The following RBFOX1 variants were observed in gnomAD, a reference collection of about 807,000 sequenced individuals.
The protein encoded by RBFOX1 is RNA binding protein fox-1 homolog 1.
A neutral mutation model predicts 57.7 loss-of-function variants in RBFOX1; 8 were observed. That is an observed-to-expected ratio of 0.14 (90% CI 0.08 to 0.25). The LOEUF (loss-of-function observed/expected upper bound fraction) is 0.25, where lower values mean the gene tolerates loss of function less well. Among genes scored for constraint, RBFOX1 ranks in the 10% least tolerant of loss-of-function variants. The pLI is 1.00. For missense variants in RBFOX1, 611 were observed against 548.5 expected (o/e 1.11, Z -1.14); for synonymous variants, 326 against 222.4 (o/e 1.47, Z -4.15).
intron 4 of RBFOX1, among the ~76,000 whole-genome samples, chr16:7,459,047 G>A (rs2059066801): frequency 3.3e-5 from 5 of 152,214 alleles, no homozygotes; most frequent in Middle Eastern, 6.8e-3. Flanking sequence ...AATGATGGAT[G>A]GATGGATGAA....
intron 2 of RBFOX1, among the ~76,000 whole-genome samples, chr16:6,621,689 A>G (rs999112944): frequency 6.6e-6 from 1 of 152,146 alleles, no homozygotes; most frequent in Non-Finnish European, 1.5e-5. Flanking sequence ...AACAGAGCAA[A>G]CCCCAGAAAT....
At chr16:5,250,991 C>G (rs13338167) in intron 1 of RBFOX1, among the ~76,000 whole-genome samples, 50,448 of 152,056 alleles carry the variant, frequency 0.33, 8,606 homozygotes, top group South Asian at 0.42. Context: ...TGGTACTGTC[C>G]TCTGTAGACA....
At chr16:6,241,813 A>G (rs1287366295) in intron 1 of RBFOX1, among the ~76,000 whole-genome samples, 1 of 152,246 alleles carries the variant, frequency 6.6e-6, no homozygotes, top group Non-Finnish European at 1.5e-5. Context: ...TTAATCAGCT[A>G]GCATCATTCT....
intron 4 of RBFOX1, among the ~76,000 whole-genome samples, chr16:7,301,080 GA>G (rs1213912117): frequency 7.2e-5 from 11 of 152,038 alleles, no homozygotes; most frequent in Admixed American, 3.9e-4. Flanking sequence ...AGTCTCTTTT[GA>G]GATGGAATTC....
chr16:7,204,169 G>T (rs554635607), intron 4 of RBFOX1, among the ~76,000 whole-genome samples: 2 of 152,208 alleles, frequency 1.3e-5, no homozygotes, highest in Non-Finnish European at 2.9e-5. Flanking sequence ...TACTTTCTCA[G>T]AGTAACCATT....
rs78336271 is a variant in RBFOX1, at chr16:6,315,961, C to T, written c.-126-1034C>T. Among the ~76,000 whole-genome samples, 3 of 152,258 alleles carry T rather than the reference C, an allele frequency of 2.0e-5. No individual in the cohort carries two copies. In the East Asian group the frequency reaches 5.8e-4, roughly 29 times the overall value. On this transcript the variant is annotated intron_variant, in intron 1 of 15. Coordinates refer to ENST00000550418, the MANE Select transcript of RBFOX1 (RefSeq NM_018723.4). ...TCTATATATCTAGATATACCTATCACATTAGGAAAGGGGGTATATTGTCTA... is the reference window on the plus strand; with the variant it reads ...TCTATATATCTAGATATACCTATCATATTAGGAAAGGGGGTATATTGTCTA...
intron 2 of RBFOX1, among the ~76,000 whole-genome samples, chr16:6,487,146 G>T (rs1176969431): frequency 1.4e-5 from 1 of 70,644 alleles, no homozygotes; most frequent in Non-Finnish European, 3.5e-5. Context: ...TGGGGTTTCT[G>T]TGTGTGTGTG....
At chr16:7,111,070 A>G (rs982013747) in intron 4 of RBFOX1, among the ~76,000 whole-genome samples, 23 of 152,198 alleles carry the variant, frequency 1.5e-4, no homozygotes, top group African/African-American at 5.5e-4. Context: ...CTGTTTTTGA[A>G]AAGCCAAATA....
At chr16:6,120,731 G>C (rs754905332) in intron 1 of RBFOX1, among the ~76,000 whole-genome samples, 3 of 152,036 alleles carry the variant, frequency 2.0e-5, no homozygotes, top group Non-Finnish European at 4.4e-5. Flanking sequence ...TCTGAATTCA[G>C]ATGTCTGAGT....
chr16:6,866,497 C>CTT (rs199784403), intron 3 of RBFOX1, among the ~76,000 whole-genome samples: 48 of 129,130 alleles, frequency 3.7e-4, no homozygotes, highest in African/African-American at 1.4e-3. Context: ...TCACAAAGGA[C>CTT]TTTTTTTAAA....
At chr16:5,458,630 C>G (rs1251277306) in intron 1 of RBFOX1, among the ~76,000 whole-genome samples, 1 of 152,260 alleles carries the variant, frequency 6.6e-6, no homozygotes, top group African/African-American at 2.4e-5. Flanking sequence ...CTATGACCCT[C>G]TACTGCTCTT....
chr16:7,474,262 G>C (rs893510620), intron 4 of RBFOX1, among the ~76,000 whole-genome samples: 2 of 152,146 alleles, frequency 1.3e-5, no homozygotes, highest in Non-Finnish European at 2.9e-5. Flanking sequence ...ACTCCAGCCT[G>C]GGTGACAGGG....
At chr16:5,465,023 C>T (rs1033728785) in intron 1 of RBFOX1, among the ~76,000 whole-genome samples, 2 of 152,172 alleles carry the variant, frequency 1.3e-5, no homozygotes, top group African/African-American at 4.8e-5. Context: ...CACAGACCAT[C>T]TCCTTTGCAC....
intron 3 of RBFOX1, among the ~76,000 whole-genome samples, chr16:5,783,280 A>T (rs1315663112): frequency 6.6e-6 from 1 of 152,216 alleles, no homozygotes; most frequent in Non-Finnish European, 1.5e-5. Flanking sequence ...ATCTATGTAT[A>T]AGATATCTCT....
chr16:6,970,484 T>A (rs1247017969), intron 3 of RBFOX1, among the ~76,000 whole-genome samples: 1 of 152,232 alleles, frequency 6.6e-6, no homozygotes, highest in East Asian at 1.9e-4. Flanking sequence ...TGCTCACAGT[T>A]CTGGAAGCTG....
At chr16:6,717,984 C>T (rs1174800366) in intron 3 of RBFOX1, among the ~76,000 whole-genome samples, 2 of 152,140 alleles carry the variant, frequency 1.3e-5, no homozygotes, top group South Asian at 2.1e-4. Context: ...CCTTCTCTCC[C>T]CTGCACCATT....
At chr16:6,547,706 G>C (rs1414045124) in intron 2 of RBFOX1, among the ~76,000 whole-genome samples, 1 of 152,040 alleles carries the variant, frequency 6.6e-6, no homozygotes, top group Admixed American at 6.5e-5. Flanking sequence ...TTGTAAAGCA[G>C]AGATCAGAGA....
intron 1 of RBFOX1, among the ~76,000 whole-genome samples, chr16:6,027,434 T>G (rs183303211): frequency 6.6e-6 from 1 of 152,312 alleles, no homozygotes; most frequent in Non-Finnish European, 1.5e-5. Flanking sequence ...GGTATTTCAC[T>G]GAGATTCCAG....
At chr16:7,487,298 T>C (rs2065670640) in intron 4 of RBFOX1, among the ~76,000 whole-genome samples, 2 of 152,172 alleles carry the variant, frequency 1.3e-5, no homozygotes, top group South Asian at 4.1e-4. Flanking sequence ...TTATCTCAAA[T>C]AGCGGCCCCA....
Sources: gnomAD v4.1 joint callset for allele counts (sites outside exome capture counted in the v4.1 genomes callset) on GRCh38, gnomAD v4.1.1 for gene constraint, MANE v1.5 for transcripts, NCBI Gene and HGNC (gene_info 2026-07-23, HGNC 2026-07-21) for gene names.